MACROD2: variants seen among roughly 807,000 people sequenced by gnomAD.
MACROD2 encodes ADP-ribose glycohydrolase MACROD2.
MACROD2 carries 36 observed loss-of-function variants against 70.4 expected under a neutral mutation model. That is an observed-to-expected ratio of 0.51 (90% CI 0.39 to 0.68). The LOEUF (loss-of-function observed/expected upper bound fraction) is 0.68. MACROD2 is among the 30% of genes least tolerant of loss of function. The pLI is 0.00. For synonymous variants in MACROD2, 172 were observed against 178.8 expected (o/e 0.96, Z 0.30); for missense variants, 496 against 538.4 (o/e 0.92, Z 0.78).
At chr20:14,874,184 A>G (rs1054103866) in intron 5 of MACROD2, among the ~76,000 whole-genome samples, 1 of 152,086 alleles carries the variant, frequency 6.6e-6, no homozygotes, top group Admixed American at 6.5e-5. Flanking sequence ...TTTCTTTCAT[A>G]ACATTTGCAT....
chr20:15,642,274 G>A (rs1220019103), intron 8 of MACROD2, among the ~76,000 whole-genome samples: 10 of 152,156 alleles, frequency 6.6e-5, no homozygotes, highest in African/African-American at 2.4e-4. Context: ...TGAAAGGATA[G>A]ATAGTATCGT....
intron 8 of MACROD2, among the ~76,000 whole-genome samples, chr20:15,845,828 A>T (rs2064224976): frequency 1.3e-5 from 2 of 152,204 alleles, no homozygotes; most frequent in Non-Finnish European, 2.9e-5. Context: ...AGCCCTATTT[A>T]ACTAATGAAA....
intron 5 of MACROD2, among the ~76,000 whole-genome samples, chr20:15,108,441 G>T (rs1385559735): frequency 6.6e-6 from 1 of 152,090 alleles, no homozygotes; most frequent in Non-Finnish European, 1.5e-5. Flanking sequence ...ATATCCTGTG[G>T]ATTATTTAAG....
intron 5 of MACROD2, among the ~76,000 whole-genome samples, chr20:14,784,912 A>G (rs1284412292): frequency 6.6e-6 from 1 of 152,052 alleles, no homozygotes; most frequent in Non-Finnish European, 1.5e-5. Context: ...AACTTTACAT[A>G]TAGTATATCA....
At chr20:14,786,310 A>G (rs1350145965) in intron 5 of MACROD2, among the ~76,000 whole-genome samples, 1 of 151,658 alleles carries the variant, frequency 6.6e-6, no homozygotes, top group East Asian at 1.9e-4. Context: ...CTTTATCACC[A>G]TCCGAAATTC....
intron 6 of MACROD2, among the ~76,000 whole-genome samples, chr20:15,241,335 T>C (rs941499398): frequency 5.9e-5 from 9 of 152,222 alleles, no homozygotes; most frequent in African/African-American, 2.2e-4. Flanking sequence ...ATAGCAGTTT[T>C]CATTATTGTT....
chr20:15,471,380 A>T (rs1248737614), intron 7 of MACROD2, among the ~76,000 whole-genome samples: 2 of 152,188 alleles, frequency 1.3e-5, no homozygotes, highest in Non-Finnish European at 2.9e-5. Context: ...AGTACTCATT[A>T]TACCACCCAT....
chr20:15,367,713 T>A (rs185382127), intron 6 of MACROD2, among the ~76,000 whole-genome samples: 5 of 152,290 alleles, frequency 3.3e-5, no homozygotes, highest in African/African-American at 1.2e-4. Context: ...TTGTTTTTTT[T>A]AAACAATATA....
At chr20:15,853,618 C>T (rs558259664) in intron 8 of MACROD2, among the ~76,000 whole-genome samples, 1 of 152,180 alleles carries the variant, frequency 6.6e-6, no homozygotes, top group South Asian at 2.1e-4. Context: ...GCTGAGCTGT[C>T]CTCCAGCTGT....
intron 3 of MACROD2, among the ~76,000 whole-genome samples, chr20:14,227,430 C>G (rs6079358): frequency 6.6e-6 from 1 of 152,168 alleles, no homozygotes; most frequent in East Asian, 1.9e-4. Context: ...AGCTTCACTC[C>G]TGAAGCCAGC....
At chr20:15,519,215 A>C (rs1021923118) in intron 8 of MACROD2, among the ~76,000 whole-genome samples, 3 of 151,886 alleles carry the variant, frequency 2.0e-5, no homozygotes, top group East Asian at 1.9e-4. Flanking sequence ...GGTTCACACC[A>C]TTCTCCTGTC....
At chr20:15,673,196 A>T (rs2050006739) in intron 8 of MACROD2, among the ~76,000 whole-genome samples, 1 of 152,212 alleles carries the variant, frequency 6.6e-6, no homozygotes. Context: ...AGAGGGGAAG[A>T]TATGGGATCC....
chr20:14,766,074 C>G (rs1355250421), intron 5 of MACROD2, among the ~76,000 whole-genome samples: 1 of 152,054 alleles, frequency 6.6e-6, no homozygotes. Context: ...TCACATTGCC[C>G]TCACACTTAC....
chr20:15,165,174 G>A (rs1055902320), intron 5 of MACROD2, among the ~76,000 whole-genome samples: 1 of 152,170 alleles, frequency 6.6e-6, no homozygotes, highest in African/African-American at 2.4e-5. Flanking sequence ...ACTTGACACC[G>A]GCTGGGTACG....
intron 6 of MACROD2, among the ~76,000 whole-genome samples, chr20:15,298,981 A>G (rs2146122060): frequency 6.6e-6 from 1 of 152,346 alleles, no homozygotes; most frequent in Non-Finnish European, 1.5e-5. Context: ...TTTTTGATCC[A>G]TAATCTCTGT....
chr20:15,651,541 C>A (rs2049643042), intron 8 of MACROD2, among the ~76,000 whole-genome samples: 1 of 152,148 alleles, frequency 6.6e-6, no homozygotes, highest in South Asian at 2.1e-4. Context: ...AATCCAGGCT[C>A]TCAGCTCTGT....
intron 3 of MACROD2, among the ~76,000 whole-genome samples, chr20:14,199,826 G>A (rs974722403): frequency 2.0e-5 from 3 of 152,032 alleles, no homozygotes; most frequent in Non-Finnish European, 4.4e-5. Flanking sequence ...ATTTAAAAAT[G>A]AAAAACAAAA....
At chr20:14,249,128 G>GTCTTTTTTT (rs1555773444) in intron 3 of MACROD2, among the ~76,000 whole-genome samples, 1 of 103,078 alleles carries the variant, frequency 9.7e-6, no homozygotes, top group Non-Finnish European at 1.9e-5. Context: ...GATTTCAAAG[G>GTCTTTTTTT]TTTTTTTTTT....
At chr20:14,274,979 C>T (rs1373602405) in intron 3 of MACROD2, among the ~76,000 whole-genome samples, 2 of 152,014 alleles carry the variant, frequency 1.3e-5, no homozygotes, top group Non-Finnish European at 2.9e-5. Flanking sequence ...TACAAACCAG[C>T]GCTCAATGAA....
Sources: gnomAD v4.1 joint callset for allele counts (sites outside exome capture counted in the v4.1 genomes callset) on GRCh38, gnomAD v4.1.1 for gene constraint, MANE v1.5 for transcripts, NCBI Gene and HGNC (gene_info 2026-07-23, HGNC 2026-07-21) for gene names.